PRKCA: variants seen among roughly 807,000 people sequenced by gnomAD.
The protein encoded by PRKCA is protein kinase C alpha, also known as protein kinase C alpha type.
In PRKCA, 27 loss-of-function variants were observed where a neutral mutation model predicts 87.0. That is an observed-to-expected ratio of 0.31 (90% CI 0.23 to 0.43). PRKCA has a LOEUF of 0.43. Among genes scored for constraint, PRKCA ranks in the 20% least tolerant of loss-of-function variants. The pLI is 1.00. For missense variants in PRKCA, 518 were observed against 852.3 expected, an observed-to-expected ratio of 0.61 and a Z score of 4.88; for synonymous variants, 329 against 311.1, an observed-to-expected ratio of 1.06 and a Z score of -0.61.
chr17:66,513,961 T>C (rs1451435695), intron 3 of PRKCA, among the ~76,000 whole-genome samples: 2 of 152,224 alleles, frequency 1.3e-5, no homozygotes, highest in Admixed American at 6.5e-5. Context: ...TCAACAGTTA[T>C]AAAATTCTGT....
At chr17:66,410,456 TAAAC>T (rs1381132131) in intron 2 of PRKCA, among the ~76,000 whole-genome samples, 3 of 152,196 alleles carry the variant, frequency 2.0e-5, no homozygotes, top group Non-Finnish European at 4.4e-5. Flanking sequence ...AACTGCTAAA[TAAAC>T]ACTTCAATAT....
chr17:66,756,221 C>T (rs1219103730), intron 13 of PRKCA, among the ~76,000 whole-genome samples: 1 of 152,188 alleles, frequency 6.6e-6, no homozygotes, highest in Non-Finnish European at 1.5e-5. Context: ...TTCTTCTTAA[C>T]AAGGGCTTCC....
intron 2 of PRKCA, among the ~76,000 whole-genome samples, chr17:66,372,485 A>G (rs1446309737): frequency 6.6e-6 from 1 of 152,150 alleles, no homozygotes; most frequent in East Asian, 1.9e-4. Flanking sequence ...GAGAGGTGAT[A>G]GTCTCACGCA....
chr17:66,586,137 A>G (rs554189274), intron 3 of PRKCA, among the ~76,000 whole-genome samples: 2 of 152,258 alleles, frequency 1.3e-5, no homozygotes, highest in Non-Finnish European at 2.9e-5. Context: ...TGTCGTTGCT[A>G]TGGTTGCCAT....
chr17:66,652,341 A>G lies in PRKCA; in HGVS notation c.529+6830A>G, dbSNP rs147136143. 3.6e-4 allele frequency among the ~76,000 whole-genome samples: 55 copies of G among 152,328 alleles called. 3 individuals are homozygous for G. The East Asian group carries it at 4.1e-3, about 11-fold the overall frequency. On this transcript the variant is annotated intron_variant, in intron 5 of 16. Transcript: ENST00000413366. ...ACTTGGTTGGATCCTGGATCCAAGAAAAAAACAGCTGTAAAGAACATTTTG... is the reference window on the plus strand; with the variant it reads ...ACTTGGTTGGATCCTGGATCCAAGAGAAAAACAGCTGTAAAGAACATTTTG...
chr17:66,323,062 G>A (rs1567771462), intron 2 of PRKCA, among the ~76,000 whole-genome samples: 1 of 152,124 alleles, frequency 6.6e-6, no homozygotes, highest in Non-Finnish European at 1.5e-5. Context: ...AGGCACTATA[G>A]TTTGATCTTG....
chr17:66,738,793 C>G lies in PRKCA; in HGVS notation c.1260C>G (p.Val420=). 1 of 1,613,700 alleles carries G rather than the reference C, an allele frequency of 6.2e-7. No individual in the cohort carries two copies. Among genetic ancestry groups the G allele is most frequent in the Middle Eastern group, 1.7e-4 (1 of 6,060 alleles). ...VDRLYFVMEY[V]NGGDLMYHIQ... is the part of the protein sequence containing the mutation. ...GGCTGTACTTCGTCATGGAATATGT[C>G]AACGGTGGGGACCTCATGTACCACA... Residue 420 remains valine, a synonymous_variant, in exon 11 of 17, where the codon GTC becomes GTG. Coordinates refer to ENST00000413366, the MANE Select transcript of PRKCA (RefSeq NM_002737.3).
chr17:66,563,480 C>T (rs1968779320), intron 3 of PRKCA, among the ~76,000 whole-genome samples: 1 of 152,172 alleles, frequency 6.6e-6, no homozygotes, highest in African/African-American at 2.4e-5. Flanking sequence ...TAGTTTCCTC[C>T]ATGCCTTTTC....
intron 2 of PRKCA, among the ~76,000 whole-genome samples, chr17:66,315,131 C>T (rs9893075): frequency 0.6 from 90,570 of 151,916 alleles, 27,147 homozygotes; most frequent in African/African-American, 0.65. Context: ...AACACTACAA[C>T]TGATAGCCAG....
intron 2 of PRKCA, among the ~76,000 whole-genome samples, chr17:66,421,414 C>T (rs2143792165): frequency 7.1e-6 from 1 of 140,062 alleles, no homozygotes; most frequent in South Asian, 2.3e-4. Flanking sequence ...TGTCAGAACT[C>T]AGCCACAGCC....
intron 2 of PRKCA, among the ~76,000 whole-genome samples, chr17:66,365,645 C>A (rs1297095928): frequency 6.6e-6 from 1 of 152,074 alleles, no homozygotes; most frequent in Non-Finnish European, 1.5e-5. Flanking sequence ...TAATCCTAAA[C>A]GCTCAATAAA....
At chr17:66,468,242 AG>A (rs1915172839) in intron 2 of PRKCA, among the ~76,000 whole-genome samples, 1 of 152,236 alleles carries the variant, frequency 6.6e-6, no homozygotes, top group South Asian at 2.1e-4. Context: ...CTATTTAAAA[AG>A]ATATACAGGT....
At chr17:66,691,806 C>T (rs1227928500) in intron 8 of PRKCA, among the ~76,000 whole-genome samples, 3 of 152,204 alleles carry the variant, frequency 2.0e-5, no homozygotes, top group Non-Finnish European at 2.9e-5. Flanking sequence ...AGGAACAGCA[C>T]GGGCGTTCCC....
At chr17:66,499,590 C>T (rs1228546357) in intron 3 of PRKCA, among the ~76,000 whole-genome samples, 1 of 152,014 alleles carries the variant, frequency 6.6e-6, no homozygotes, top group Non-Finnish European at 1.5e-5. Flanking sequence ...TGGGGTCATC[C>T]TACTCATAGG....
At chr17:66,442,834 C>T (rs955830565) in intron 2 of PRKCA, among the ~76,000 whole-genome samples, 1 of 152,164 alleles carries the variant, frequency 6.6e-6, no homozygotes, top group African/African-American at 2.4e-5. Flanking sequence ...TACATGGACA[C>T]ACTTTTCTCT....
intron 2 of PRKCA, among the ~76,000 whole-genome samples, chr17:66,430,534 G>C (rs1913047727): frequency 2.0e-5 from 3 of 151,996 alleles, no homozygotes; most frequent in African/African-American, 7.2e-5. Flanking sequence ...CTCTCTCTCA[G>C]GGTTGAAGCC....
chr17:66,716,215 A>C (rs9910301), intron 8 of PRKCA, among the ~76,000 whole-genome samples: 45,585 of 151,658 alleles, frequency 0.3, 7,273 homozygotes, highest in Middle Eastern at 0.41. Flanking sequence ...AGTCTGAAAA[A>C]CTATTTACTT....
At chr17:66,305,876 G>T (rs1448904382) in intron 1 of PRKCA, among the ~76,000 whole-genome samples, 2 of 152,028 alleles carry the variant, frequency 1.3e-5, no homozygotes, top group Non-Finnish European at 2.9e-5. Context: ...TTGATACATC[G>T]AAATAGTTCA....
At chr17:66,773,495 CTTTTTTTTTTT>C (rs59316874) in intron 13 of PRKCA, among the ~76,000 whole-genome samples, 15 of 124,640 alleles carry the variant, frequency 1.2e-4, no homozygotes, top group African/African-American at 4.4e-4. Flanking sequence ...CTGGCTTTTC[CTTTTTTTTTTT>C]TTTTTTTTAA....
Sources: gnomAD v4.1 joint callset for allele counts (sites outside exome capture counted in the v4.1 genomes callset) on GRCh38, gnomAD v4.1.1 for gene constraint, MANE v1.5 for transcripts, NCBI Gene and HGNC (gene_info 2026-07-23, HGNC 2026-07-21) for gene names.